Variants in NKAP observed in about 807,000 individuals in gnomAD.
NKAP encodes NFKB activating protein.
In NKAP, 4 loss-of-function variants were observed where a neutral mutation model predicts 35.6. That is an observed-to-expected ratio of 0.11 (90% CI 0.06 to 0.26). The LOEUF (loss-of-function observed/expected upper bound fraction) is 0.26, where lower values mean the gene tolerates loss of function less well. Ranked by LOEUF, NKAP falls within the 10% of genes least tolerant of loss-of-function variation. NKAP has a pLI of 1.00. For missense variants in NKAP, 238 were observed against 321.9 expected, an observed-to-expected ratio of 0.74 and a Z score of 1.99; for synonymous variants, 106 against 119.2, an observed-to-expected ratio of 0.89 and a Z score of 0.72.
At chrX:119,938,709 A>G (rs766442018) in intron 2 of NKAP, 21 bp downstream of exon 2, 2 of 1,086,278 alleles carry the variant, frequency 1.8e-6, no homozygotes, top group South Asian at 4.1e-5. Context: ...CATTTTAAAA[A>G]TATATTTTTT....
At chrX:119,942,984 C>G (rs2056800480) in intron 1 of NKAP, 1 of 377,184 alleles carries the variant, frequency 2.7e-6, no homozygotes, top group Non-Finnish European at 4.5e-6. Flanking sequence ...GCTAACAAGA[C>G]AGGAGGCGGA....
At position 119,934,008 on chromosome X, in the gene NKAP, G is replaced by A. The variant is rs183392706; in HGVS notation, c.737+486C>T. On this transcript the variant is annotated intron_variant, in intron 5 of 8. Transcript: ENST00000371410. ...GAAAGGTACTGAATTGCTTATGGAT[G>A]GAATGATATCTGAGATTGGGTCCAA... Among the ~76,000 whole-genome samples the A allele has an allele frequency of 2.7e-5, 3 of 112,078 alleles. No homozygotes were observed. The Admixed American group carries it at 2.8e-4, about 11-fold the overall frequency.
intron 1 of NKAP, among the ~76,000 whole-genome samples, chrX:119,941,426 C>G (rs1429571019): frequency 9.0e-6 from 1 of 111,138 alleles, no homozygotes; most frequent in African/African-American, 3.3e-5. Flanking sequence ...CCCCAAATCC[C>G]TAGTACTTAT....
intron 8 of NKAP, among the ~76,000 whole-genome samples, chrX:119,928,331 A>G (rs1271235717): frequency 8.9e-6 from 1 of 112,238 alleles, no homozygotes; most frequent in African/African-American, 3.2e-5. Flanking sequence ...ATCTTTTGTT[A>G]AGATTTATTC....
intron 5 of NKAP, chrX:119,932,447 G>A (rs1044618431): frequency 2.6e-5 from 6 of 229,465 alleles, no homozygotes; most frequent in Admixed American, 7.0e-5. Context: ...GCAAGACCCC[G>A]TCTCTATTAA....
chrX:119,922,533 G>A lies in NKAP; in HGVS notation c.*2687C>T, dbSNP rs912483788. The A allele has an allele frequency of 1.1e-4, 12 of 111,423 alleles. No individual in the cohort carries two copies. The highest frequency in any genetic ancestry group is 1.9e-4 in the Non-Finnish European group (10 of 53,054). The allele number at this position is 111,423 out of a possible 1,213,427, so 9.2% of individuals were successfully genotyped here. A position where few individuals can be genotyped will look rare whatever the true frequency, so the allele number is the denominator to read the frequency against. On this transcript the variant is annotated 3_prime_UTR_variant, in exon 9 of 9. Coordinates refer to ENST00000371410, the MANE Select transcript of NKAP (RefSeq NM_024528.4). ...GTTTGAGGTCTGGAGTTTGAGACCA[G>A]CCTGGGCAATAAGGTGAAACCTTGT...
In NKAP at chrX:119,925,329, C is replaced by A; in HGVS notation, c.1139G>T (p.Arg380Ile). 1 of 1,211,236 alleles carries A rather than the reference C, an allele frequency of 8.3e-7. No individual in the cohort carries two copies. Among genetic ancestry groups the A allele is most frequent in the Non-Finnish European group, 1.1e-6 (1 of 895,354 alleles). The change falls in exon 9 of 9, where the codon AGA becomes ATA. Residue 380 changes from arginine to isoleucine, a missense_variant. By Grantham distance (97) the Arg-to-Ile change is moderately conservative (BLOSUM62 -3). This residue lies in a region of NKAP where 8 missense variants were observed against 69.7 expected (regional missense o/e 0.11). Transcript: ENST00000371410. ...TTCTTGGTTAAAGGATGCAAGGGCT[C>A]TCTTCTCATCAGCACTGTAGATCTG... ...ENQIYSADEK[R>I]ALASFNQEER...
At chrX:119,932,250 A>C (rs1421033181) in intron 5 of NKAP, 34 bp from the exon 6 acceptor site, 2 of 1,020,060 alleles carry the variant, frequency 2.0e-6, no homozygotes, top group East Asian at 3.0e-5. Flanking sequence ...AAATTCACTT[A>C]ATCTTCCTAT....
chrX:119,923,492 CATT>C lies in NKAP; in HGVS notation c.*1725_*1727del, dbSNP rs1244091892. On this transcript the variant is annotated 3_prime_UTR_variant, in exon 9 of 9. Coordinates refer to ENST00000371410, the MANE Select transcript of NKAP (RefSeq NM_024528.4). ...AAACAATTAAGCTAAAATACTGACT[CATT>C]ATATTTTTCCTTATCAAAACTCTTG... 1.8e-5 allele frequency: 2 copies of C among 112,098 alleles called. No individual in the cohort carries two copies. Among genetic ancestry groups the C allele is most frequent in the African/African-American group, 6.5e-5 (2 of 30,938 alleles). The allele number at this position is 112,098 out of a possible 1,213,427, so 9.2% of individuals were successfully genotyped here. A position where few individuals can be genotyped will look rare whatever the true frequency, so the allele number is the denominator to read the frequency against.
rs140063577 is a variant in NKAP at position 119,934,545 on chromosome X, T to C, written c.686A>G (p.Lys229Arg). The C allele has an allele frequency of 1.7e-6, 2 of 1,163,685 alleles. No individual in the cohort carries two copies. The highest frequency in any genetic ancestry group is 2.1e-5 in the South Asian group (1 of 47,921). The part of the protein sequence containing the change: ...SETDSSDEDN[K>R]RRAKKAKKKE... ...TTTCTTGGCTTTCTTTGCTCTCCTT[T>C]TGTTATCTTCATCTGCAAATTAAAG... is the stretch of plus-strand genomic sequence containing the variant. Residue 229 changes from lysine to arginine, a missense_variant, in exon 5 of 9, where the codon AAA becomes AGA. By Grantham distance (26) the Lys-to-Arg change is conservative. Coordinates refer to ENST00000371410, the MANE Select transcript of NKAP (RefSeq NM_024528.4).
At chrX:119,936,847 C>A (rs1348528091) in intron 2 of NKAP, 165 bp from the exon 3 acceptor site, 1 of 421,815 alleles carries the variant, frequency 2.4e-6, no homozygotes, top group Non-Finnish European at 4.1e-6. Context: ...ATCAAAAAAA[C>A]CAAAACAACA....
chrX:119,941,795 T>C (rs2056794835), intron 1 of NKAP, among the ~76,000 whole-genome samples: 1 of 111,249 alleles, frequency 9.0e-6, no homozygotes, highest in African/African-American at 3.3e-5. Context: ...CCAGCTGATT[T>C]TTAAAACACT....
chrX:119,925,453 C>T, intron 8 of NKAP, 59 bp from the exon 9 acceptor site: 1 of 1,104,587 alleles, frequency 9.1e-7, no homozygotes, highest in East Asian at 3.0e-5. Context: ...AGTACATCAT[C>T]ATTAATCCTT....
At chrX:119,941,233 A>C (rs1476343505) in intron 1 of NKAP, among the ~76,000 whole-genome samples, 1 of 112,168 alleles carries the variant, frequency 8.9e-6, no homozygotes, top group East Asian at 2.8e-4. Context: ...AGGATTCTCC[A>C]AGAAGAAACT....
intron 5 of NKAP, 53 bp from the exon 6 acceptor site, chrX:119,932,269 G>A (rs1198307772): frequency 5.3e-5 from 47 of 883,668 alleles, no homozygotes; most frequent in Non-Finnish European, 6.9e-5. Flanking sequence ...ATGTTAGAGG[G>A]CATCTTAATT....
intron 5 of NKAP, chrX:119,932,899 C>T (rs1392746314): frequency 9.1e-6 from 1 of 109,597 alleles, no homozygotes; most frequent in African/African-American, 3.3e-5. Context: ...GGGAGGATGG[C>T]TTGATCCTGG....
intron 8 of NKAP, among the ~76,000 whole-genome samples, chrX:119,927,711 A>G (rs947158433): frequency 8.0e-5 from 9 of 112,640 alleles, no homozygotes; most frequent in Non-Finnish European, 1.3e-4. Context: ...AAGCTTCATA[A>G]TAAGTCCTCC....
At position 119,943,556 on chromosome X, in the gene NKAP, G is replaced by C. The variant is rs766236927; in HGVS notation, c.50C>G (p.Ser17Trp). 9.2e-6 allele frequency: 11 copies of C among 1,200,555 alleles called. No homozygotes were observed. Among genetic ancestry groups the C allele is most frequent in the Non-Finnish European group, 1.2e-5 (11 of 889,158 alleles). Residue 17 changes from serine (S) to tryptophan (W), a missense_variant, in exon 1 of 9, where the codon TCG becomes TGG. Transcript: ENST00000371410. ...SRSPDREASG[S>W]GGRRRSSSKS... is the part of the protein sequence containing the mutation. ...CGACGAACTGCGACGTCTTCCCCCC[G>C]AGCCCGAGGCCTCCCTATCCGGGCT...
chrX:119,923,078 G>A lies in NKAP; in HGVS notation c.*2142C>T, dbSNP rs1199233352. On this transcript the variant is annotated 3_prime_UTR_variant, in exon 9 of 9. Transcript: ENST00000371410. Reference sequence around the variant, plus strand: ...ATACAAAAATTAGCCAGTTGTGGTGGTGAGTGCCTGTAATCCCAGCTACTT... The same window carrying A: ...ATACAAAAATTAGCCAGTTGTGGTGATGAGTGCCTGTAATCCCAGCTACTT... The A allele has an allele frequency of 1.8e-5, 2 of 110,863 alleles. No homozygotes were observed. Among genetic ancestry groups the A allele is most frequent in the Non-Finnish European group, 3.8e-5 (2 of 53,042 alleles). 9.1% of individuals were successfully genotyped at this position (110,863 alleles called of 1,213,427 possible).
Sources: gnomAD v4.1 joint callset for allele counts (sites outside exome capture counted in the v4.1 genomes callset) on GRCh38, gnomAD v4.1.1 for gene constraint, gnomAD v4.1.1 regional missense constraint, MANE v1.5 for transcripts, NCBI Gene and HGNC (gene_info 2026-07-23, HGNC 2026-07-21) for gene names.